The following CACNA1D variants were observed in gnomAD, a reference collection of about 807,000 sequenced individuals.
CACNA1D encodes calcium voltage-gated channel subunit alpha1 D.
In CACNA1D, 55 loss-of-function variants were observed where a neutral mutation model predicts 257.1. The ratio of observed to expected loss-of-function variants is 0.21; its 90% CI spans 0.17 to 0.27. The LOEUF is 0.27. CACNA1D is among the 10% of genes least tolerant of loss of function. CACNA1D has a pLI of 1.00. For missense variants in CACNA1D, 1,876 were observed against 2,784.0 expected (o/e 0.67, Z 7.34); for synonymous variants, 980 against 1,014.9 (o/e 0.97, Z 0.65).
chr3:53,596,374 G>A (rs1352624692), intron 3 of CACNA1D, among the ~76,000 whole-genome samples: 1 of 152,144 alleles, frequency 6.6e-6, no homozygotes, highest in Non-Finnish European at 1.5e-5. Context: ...CAGGAGATAG[G>A]TGCCCTGAGT....
At chr3:53,736,321 A>C (rs2095056780) in intron 20 of CACNA1D, among the ~76,000 whole-genome samples, 1 of 152,128 alleles carries the variant, frequency 6.6e-6, no homozygotes, top group Non-Finnish European at 1.5e-5. Flanking sequence ...AGCCTCAGTG[A>C]TACAGTGAGA....
intron 3 of CACNA1D, among the ~76,000 whole-genome samples, chr3:53,571,450 G>A (rs536207931): frequency 1.0e-3 from 156 of 152,296 alleles, no homozygotes; most frequent in African/African-American, 3.6e-3. Context: ...GCACTCACTT[G>A]CCCAGCTCCA....
At chr3:53,654,560 G>A (rs752820432) in intron 4 of CACNA1D, among the ~76,000 whole-genome samples, 4 of 152,166 alleles carry the variant, frequency 2.6e-5, no homozygotes, top group Non-Finnish European at 5.9e-5. Flanking sequence ...GCTACAACCT[G>A]TAGACCAAAT....
Position 53,553,057 on chromosome 3 carries a change from C to T in CACNA1D, c.483+51337C>T, listed in dbSNP as rs576146730. 5.3e-4 allele frequency among the ~76,000 whole-genome samples: 81 copies of T among 152,330 alleles called. 1 individual carries two copies. The highest frequency in any genetic ancestry group is 1.9e-3 in the African/African-American group (81 of 41,570). On this transcript the variant is annotated intron_variant, in intron 3 of 47. Transcript: ENST00000350061. ...ACTCATAGATAACAAATCCAGCTACCTGCACGTGCATGAAAGCAGGGAACT... is the reference window on the plus strand; with the variant it reads ...ACTCATAGATAACAAATCCAGCTACTTGCACGTGCATGAAAGCAGGGAACT...
intron 5 of CACNA1D, 53 bp downstream of exon 5, chr3:53,660,328 G>C: frequency 6.3e-7 from 1 of 1,590,332 alleles, no homozygotes; most frequent in Non-Finnish European, 8.6e-7. Context: ...TTTCTTCCAG[G>C]TGGGTTTCAG....
At chr3:53,546,292 A>G (rs2092411172) in intron 3 of CACNA1D, among the ~76,000 whole-genome samples, 1 of 152,142 alleles carries the variant, frequency 6.6e-6, no homozygotes, top group Non-Finnish European at 1.5e-5. Flanking sequence ...GGGAACCGGC[A>G]GCTGGATTTA....
intron 3 of CACNA1D, among the ~76,000 whole-genome samples, chr3:53,550,740 A>C (rs1305134076): frequency 6.6e-6 from 1 of 152,172 alleles, no homozygotes; most frequent in African/African-American, 2.4e-5. Context: ...ATCCCTAGAC[A>C]CATAGGAGCC....
At chr3:53,590,606 CTG>C (rs2093289595) in intron 3 of CACNA1D, among the ~76,000 whole-genome samples, 1 of 152,242 alleles carries the variant, frequency 6.6e-6, no homozygotes, top group African/African-American at 2.4e-5. Flanking sequence ...CACAAAACAA[CTG>C]TGGTCATCAC....
chr3:53,704,640 G>C (rs2094666660), intron 9 of CACNA1D, among the ~76,000 whole-genome samples: 1 of 152,204 alleles, frequency 6.6e-6, no homozygotes, highest in Non-Finnish European at 1.5e-5. Flanking sequence ...AGGCCATGTA[G>C]GTGCAGCTTG....
rs1307005460 is a variant in CACNA1D at position 53,793,045 on chromosome 3, C to A, written c.4923+6093C>A. 6.6e-6 allele frequency among the ~76,000 whole-genome samples: 1 copy of A among 152,196 alleles called. No individual in the cohort carries two copies. Among genetic ancestry groups the A allele is most frequent in the Non-Finnish European group, 1.5e-5 (1 of 68,026 alleles). ...GATGGGGTAGAAAGCCAGGAACACT[C>A]CAGTGTGGCCAGGCCACTTGTCAAG... On this transcript the variant is annotated intron_variant, in intron 40 of 47. Coordinates refer to ENST00000350061, the MANE Select transcript of CACNA1D (RefSeq NM_001128840.3). The surrounding 1 kb of genome is among the most constrained non-coding windows in gnomAD (Gnocchi z 4.1).
chr3:53,757,524 C>G (rs556424196), intron 29 of CACNA1D, among the ~76,000 whole-genome samples: 1 of 152,234 alleles, frequency 6.6e-6, no homozygotes, highest in Non-Finnish European at 1.5e-5. Context: ...GGCCTCAGCC[C>G]TTCTACCTAC....
chr3:53,811,927 C>T lies in CACNA1D; in HGVS notation c.*521C>T, dbSNP rs911005483. The T allele has an allele frequency of 2.6e-5, 4 of 152,660 alleles. No homozygotes were observed. Among genetic ancestry groups the T allele is most frequent in the African/African-American group, 9.7e-5 (4 of 41,388 alleles). 9.5% of individuals were successfully genotyped at this position (152,660 alleles called of 1,614,324 possible). ...GCGTCCTGGTTCCTGTTTAGCTGTT[C>T]TGAAATACGGTGTGTAAGTAAGTCA... On this transcript the variant is annotated 3_prime_UTR_variant, in exon 48 of 48. Coordinates refer to ENST00000350061, the MANE Select transcript of CACNA1D (RefSeq NM_001128840.3). The surrounding 1 kb of genome is among the most constrained non-coding windows in gnomAD (Gnocchi z 4.2).
Position 53,789,062 on chromosome 3 carries a change from T to C in CACNA1D, c.4923+2110T>C, listed in dbSNP as rs2095470984. 6.6e-6 allele frequency among the ~76,000 whole-genome samples: 1 copy of C among 152,226 alleles called. No individual in the cohort carries two copies. The highest frequency in any genetic ancestry group is 1.5e-5 in the Non-Finnish European group (1 of 68,044). ...TCTTAAGTTGAAGGGTCAAATGGCA[T>C]GAATGATACAGCGGCAGGTTGTGGG... On this transcript the variant is annotated intron_variant, in intron 40 of 47. Coordinates refer to ENST00000350061, the MANE Select transcript of CACNA1D (RefSeq NM_001128840.3). The surrounding 1 kb of genome is among the most constrained non-coding windows in gnomAD (Gnocchi z 4.2).
intron 25 of CACNA1D, 95 bp from the exon 26 acceptor site, chr3:53,747,207 G>A (rs1361953198): frequency 2.9e-6 from 3 of 1,032,696 alleles, no homozygotes; most frequent in Non-Finnish European, 4.5e-6. Flanking sequence ...AGTGTGACCT[G>A]CCTGGAGGTT....
intron 3 of CACNA1D, among the ~76,000 whole-genome samples, chr3:53,512,567 C>A (rs1374642533): frequency 1.3e-5 from 2 of 152,156 alleles, no homozygotes; most frequent in African/African-American, 4.8e-5. Context: ...ATGACCTGCC[C>A]TGGGTTACAC....
intron 8 of CACNA1D, among the ~76,000 whole-genome samples, chr3:53,701,417 C>T (rs1053326783): frequency 6.6e-6 from 1 of 152,210 alleles, no homozygotes; most frequent in African/African-American, 2.4e-5. Flanking sequence ...CAGGCGTGAG[C>T]CACCGTGCCT....
intron 3 of CACNA1D, among the ~76,000 whole-genome samples, chr3:53,538,170 CAG>C (rs2092177335): frequency 1.2e-5 from 1 of 80,810 alleles, no homozygotes; most frequent in South Asian, 4.9e-4. Flanking sequence ...TTTTTTTTGA[CAG>C]AGTCTCGTTC....
intron 3 of CACNA1D, among the ~76,000 whole-genome samples, chr3:53,541,633 G>A (rs1182646412): frequency 6.6e-6 from 1 of 152,116 alleles, no homozygotes. Flanking sequence ...TTGTTAAAGC[G>A]GAAATGTTTT....
chr3:53,604,576 C>G (rs1184171782), intron 3 of CACNA1D, among the ~76,000 whole-genome samples: 1 of 149,150 alleles, frequency 6.7e-6, no homozygotes, highest in Non-Finnish European at 1.5e-5. Flanking sequence ...GGACCAACAT[C>G]TAGCAGCTGG....
Sources: allele counts gnomAD v4.1 joint callset (sites outside exome capture counted in the v4.1 genomes callset), GRCh38; gene constraint gnomAD v4.1.1; non-coding constraint Gnocchi (gnomAD v3.1); transcripts MANE v1.5; gene names NCBI Gene and HGNC (gene_info 2026-07-23, HGNC 2026-07-21).